HERC3: variants seen among roughly 807,000 people sequenced by gnomAD.
The protein encoded by HERC3 is HECT and RLD domain containing E3 ubiquitin protein ligase 3.
A neutral mutation model predicts 129.9 loss-of-function variants in HERC3; 58 were observed. The observed-to-expected ratio is 0.45, with a 90% CI of 0.36 to 0.56. HERC3 has a LOEUF of 0.56. Among genes scored for constraint, HERC3 ranks in the 20% least tolerant of loss-of-function variants. HERC3 has a pLI of 0.00. For synonymous variants in HERC3, 430 were observed against 451.0 expected, an observed-to-expected ratio of 0.95 and a Z score of 0.59; for missense variants, 835 against 1,244.2, an observed-to-expected ratio of 0.67 and a Z score of 4.95.
chr4:88,658,676 A>G (rs1049071892), intron 10 of HERC3, among the ~76,000 whole-genome samples, 185 bp downstream of exon 10: 1 of 152,230 alleles, frequency 6.6e-6, no homozygotes, highest in South Asian at 2.1e-4. Context: ...TGAAGTGCCA[A>G]CAATTCTCCT....
chr4:88,700,686 G>A (rs1735240946), intron 23 of HERC3, among the ~76,000 whole-genome samples: 1 of 152,098 alleles, frequency 6.6e-6, no homozygotes, highest in South Asian at 2.1e-4. Flanking sequence ...AGAACCAACA[G>A]GGTGTGAAGC....
chr4:88,575,604 A>G, the HERC3 span, among the ~76,000 whole-genome samples: 1 of 152,242 alleles, frequency 6.6e-6, no homozygotes, highest in East Asian at 1.9e-4. Context: ...AGTACCTTGT[A>G]CAGCATCAGA....
chr4:88,654,419 T>TATAC (rs1298175986), intron 7 of HERC3, among the ~76,000 whole-genome samples: 1 of 145,422 alleles, frequency 6.9e-6, no homozygotes, highest in African/African-American at 2.5e-5. Flanking sequence ...ATTATATATA[T>TATAC]ATACACACAT....
At position 88,670,183 on chromosome 4, in the gene HERC3, T is replaced by C. The variant is rs1377995490; in HGVS notation, c.1842T>C (p.Ile614=). ...VKHVEYDTFY[I]PEISNLVDIQ... ...ATGTGGAATATGATACATTTTACAT[T>C]CCTGAGATTTCCAATCTCGTGGACA... Residue 614 remains isoleucine, a synonymous_variant, in exon 16 of 26, where the codon ATT becomes ATC. Coordinates refer to ENST00000402738, the MANE Select transcript of HERC3 (RefSeq NM_014606.3). 14 of 1,613,628 alleles carry C rather than the reference T, an allele frequency of 8.7e-6. No homozygotes were observed. The highest frequency in any genetic ancestry group is 1.3e-5 in the African/African-American group (1 of 74,880).
intron 3 of HERC3, among the ~76,000 whole-genome samples, chr4:88,631,919 G>A (rs1726811334): frequency 6.6e-6 from 1 of 152,174 alleles, no homozygotes; most frequent in Non-Finnish European, 1.5e-5. Flanking sequence ...TGCCTGGAGC[G>A]ACTATTTGAT....
intron 3 of HERC3, among the ~76,000 whole-genome samples, chr4:88,641,020 A>G (rs1247814887): frequency 6.6e-6 from 1 of 152,218 alleles, no homozygotes; most frequent in African/African-American, 2.4e-5. Context: ...TCAACTGCCT[A>G]TAGAACATTC....
chr4:88,706,002 G>A (rs1735746784), intron 25 of HERC3, among the ~76,000 whole-genome samples: 1 of 152,182 alleles, frequency 6.6e-6, no homozygotes, highest in Admixed American at 6.5e-5. Flanking sequence ...GTAGGGCTGT[G>A]ACATTCAAGA....
At chr4:88,572,316 T>C in the HERC3 span, among the ~76,000 whole-genome samples, 1 of 151,656 alleles carries the variant, frequency 6.6e-6, no homozygotes, top group African/African-American at 2.4e-5. Flanking sequence ...TAGTCCCAGC[T>C]ACTTGGGCAG....
intron 10 of HERC3, among the ~76,000 whole-genome samples, chr4:88,659,468 G>A (rs938754229): frequency 2.6e-5 from 4 of 152,330 alleles, no homozygotes; most frequent in South Asian, 2.1e-4. Flanking sequence ...GGTGGAGCCC[G>A]AGGCTGTAGG....
the HERC3 span, among the ~76,000 whole-genome samples, chr4:88,567,897 A>G: frequency 2.6e-5 from 4 of 152,226 alleles, no homozygotes; most frequent in Non-Finnish European, 5.9e-5. Context: ...TAATCTTCAC[A>G]GTCTGGGCTT....
the HERC3 span, among the ~76,000 whole-genome samples, chr4:88,537,993 A>G: frequency 6.6e-6 from 1 of 152,264 alleles, no homozygotes; most frequent in East Asian, 1.9e-4. Flanking sequence ...GTTATTAGCC[A>G]TACTTTACAA....
intron 23 of HERC3, among the ~76,000 whole-genome samples, chr4:88,694,925 C>T (rs576958081): frequency 6.6e-6 from 1 of 152,242 alleles, no homozygotes; most frequent in African/African-American, 2.4e-5. Context: ...GTCAGTTCAT[C>T]AAACTTATTA....
chr4:88,574,021 T>C, the HERC3 span, among the ~76,000 whole-genome samples: 1 of 152,228 alleles, frequency 6.6e-6, no homozygotes. Flanking sequence ...CACTATTTTC[T>C]GAGGCAGCCA....
chr4:88,695,487 T>C (rs552863509), intron 23 of HERC3, among the ~76,000 whole-genome samples: 59 of 152,308 alleles, frequency 3.9e-4, no homozygotes, highest in African/African-American at 1.4e-3. Context: ...AACCTGATAT[T>C]ATATTGAGGA....
intron 10 of HERC3, among the ~76,000 whole-genome samples, chr4:88,660,318 C>T (rs1000720620): frequency 2.0e-5 from 3 of 152,068 alleles, no homozygotes; most frequent in African/African-American, 7.2e-5. Context: ...TCTCCTGCCT[C>T]AGCCTTCTGA....
At chr4:88,576,597 A>G in the HERC3 span, among the ~76,000 whole-genome samples, 1 of 152,194 alleles carries the variant, frequency 6.6e-6, no homozygotes, top group African/African-American at 2.4e-5. Flanking sequence ...TTAAGGGAAG[A>G]ATTCGCAGAA....
chr4:88,574,121 G>A, the HERC3 span, among the ~76,000 whole-genome samples: 1 of 152,126 alleles, frequency 6.6e-6, no homozygotes, highest in East Asian at 1.9e-4. Flanking sequence ...CTCCCTGAAA[G>A]CAACTAGGCA....
At chr4:88,545,977 T>A in the HERC3 span, among the ~76,000 whole-genome samples, 1 of 152,186 alleles carries the variant, frequency 6.6e-6, no homozygotes, top group Non-Finnish European at 1.5e-5. Context: ...GAGACTTCAT[T>A]GCTCTTTAGG....
At chr4:88,527,718 C>A in the HERC3 span, 2 of 297,446 alleles carry the variant, frequency 6.7e-6, no homozygotes, top group African/African-American at 2.3e-5. Context: ...CCTTCCTGGG[C>A]TGCATAGGTT....
Sources: gnomAD v4.1 joint callset for allele counts (sites outside exome capture counted in the v4.1 genomes callset) on GRCh38, gnomAD v4.1.1 for gene constraint, MANE v1.5 for transcripts, NCBI Gene and HGNC (gene_info 2026-07-23, HGNC 2026-07-21) for gene names.